WDR27: variants seen among roughly 807,000 people sequenced by gnomAD.
WDR27 encodes WD repeat-containing protein 27.
WDR27 carries 100 observed loss-of-function variants against 114.4 expected under a neutral mutation model. The ratio of observed to expected loss-of-function variants is 0.87; its 90% CI spans 0.74 to 1.03. WDR27 has a LOEUF of 1.03. Ranked by LOEUF, WDR27 falls within the 50% of genes least tolerant of loss-of-function variation. The pLI, the probability that WDR27 is intolerant of heterozygous loss-of-function variation, is 0.00. For synonymous variants in WDR27, 449 were observed against 423.1 expected (o/e 1.06, Z -0.75); for missense variants, 1,129 against 1,092.9 (o/e 1.03, Z -0.47).
intron 24 of WDR27, among the ~76,000 whole-genome samples, chr6:169,578,560 G>A (rs1802840102): frequency 6.6e-6 from 1 of 152,170 alleles, no homozygotes; most frequent in Non-Finnish European, 1.5e-5. Context: ...GAAGCTCCCA[G>A]GGGGGCGAAA....
chr6:169,550,151 C>A (rs1797912532), intron 25 of WDR27, among the ~76,000 whole-genome samples: 1 of 152,194 alleles, frequency 6.6e-6, no homozygotes, highest in African/African-American at 2.4e-5. Flanking sequence ...ACTTTCCTCA[C>A]AATTTTGCTG....
intron 23 of WDR27, among the ~76,000 whole-genome samples, chr6:169,597,335 G>GT (rs376259785): frequency 0.045 from 6,754 of 149,912 alleles, 416 homozygotes; most frequent in African/African-American, 0.14. Flanking sequence ...TTTCTATTAT[G>GT]TTTTTTTTTC....
chr6:169,550,331 T>C (rs573523648), intron 25 of WDR27, among the ~76,000 whole-genome samples: 15 of 152,234 alleles, frequency 9.9e-5, no homozygotes, highest in Middle Eastern at 3.2e-3. Context: ...GTACATGAAA[T>C]GGTAGTCTAG....
intron 1 of WDR27, among the ~76,000 whole-genome samples, chr6:169,698,215 C>T (rs1037669093): frequency 1.3e-5 from 2 of 152,116 alleles, no homozygotes; most frequent in African/African-American, 4.8e-5. Context: ...CTGCCCAACA[C>T]CTCTGTTCCT....
chr6:169,666,317 C>T, intron 6 of WDR27: 1 of 915,810 alleles, frequency 1.1e-6, no homozygotes, highest in Non-Finnish European at 1.3e-6. Flanking sequence ...ATACATTAAC[C>T]TCAGAAAGAA....
chr6:169,518,527 A>G (rs1365113325), intron 25 of WDR27, among the ~76,000 whole-genome samples: 1 of 152,234 alleles, frequency 6.6e-6, no homozygotes, highest in Non-Finnish European at 1.5e-5. Flanking sequence ...GGCTGGAGCT[A>G]GAATGGCCTA....
the WDR27 span, chr6:169,426,978 G>GGGGGC: frequency 6.9e-6 from 1 of 144,712 alleles, no homozygotes; most frequent in Non-Finnish European, 1.5e-5. Flanking sequence ...GGCAGTGGGG[G>GGGGGC]GGGGGTGGCG....
intron 21 of WDR27, among the ~76,000 whole-genome samples, chr6:169,632,059 A>C (rs1014115638): frequency 6.6e-6 from 1 of 151,898 alleles, no homozygotes; most frequent in Non-Finnish European, 1.5e-5. Flanking sequence ...GTGGTGGCTC[A>C]TGCCTGTAAT....
At chr6:169,665,353 T>A in intron 7 of WDR27, 133 bp downstream of exon 7, 1 of 1,433,380 alleles carries the variant, frequency 7.0e-7, no homozygotes, top group Non-Finnish European at 9.2e-7. Context: ...AAGGTCACGT[T>A]CTCAGCACTG....
At chr6:169,610,262 A>T (rs183582501) in intron 22 of WDR27, among the ~76,000 whole-genome samples, 56 of 152,142 alleles carry the variant, frequency 3.7e-4, no homozygotes, top group African/African-American at 1.3e-3. Context: ...ACCCCACTCT[A>T]CTGGTACCGA....
At chr6:169,478,825 A>G (rs1328242396) in intron 25 of WDR27, among the ~76,000 whole-genome samples, 1 of 152,246 alleles carries the variant, frequency 6.6e-6, no homozygotes, top group East Asian at 1.9e-4. Flanking sequence ...AGGACTCCCT[A>G]TTCAATAAAT....
chr6:169,462,487 A>G (rs752122632), intron 25 of WDR27, among the ~76,000 whole-genome samples: 1 of 151,936 alleles, frequency 6.6e-6, no homozygotes, highest in Non-Finnish European at 1.5e-5. Context: ...GGGGAGAGAG[A>G]GAGAGAAAGA....
chr6:169,686,949 G>A (rs1049476828), intron 2 of WDR27, among the ~76,000 whole-genome samples: 4 of 152,136 alleles, frequency 2.6e-5, no homozygotes, highest in Non-Finnish European at 5.9e-5. Flanking sequence ...TGGATCTTGT[G>A]GAAGTGGGGA....
intron 25 of WDR27, among the ~76,000 whole-genome samples, chr6:169,499,532 G>A (rs577666478): frequency 6.6e-6 from 1 of 152,356 alleles, no homozygotes; most frequent in East Asian, 1.9e-4. Flanking sequence ...TGATATTAGA[G>A]TGTGAAGTCA....
chr6:169,559,108 T>C (rs1799311574), intron 25 of WDR27: 1 of 152,250 alleles, frequency 6.6e-6, no homozygotes, highest in African/African-American at 2.4e-5. Context: ...CCACAAATCT[T>C]GAAGCCAATC....
At chr6:169,577,616 GC>G (rs1562617167) in intron 24 of WDR27, among the ~76,000 whole-genome samples, 1 of 152,206 alleles carries the variant, frequency 6.6e-6, no homozygotes, top group Non-Finnish European at 1.5e-5. Flanking sequence ...CCAAGAACCG[GC>G]CCTGCGTGGG....
chr6:169,520,475 A>G (rs1469227584), intron 25 of WDR27, among the ~76,000 whole-genome samples: 1 of 152,234 alleles, frequency 6.6e-6, no homozygotes, highest in East Asian at 1.9e-4. Flanking sequence ...TAATACTTCA[A>G]TACAAAGACA....
the WDR27 span, among the ~76,000 whole-genome samples, chr6:169,441,994 A>G: frequency 6.6e-6 from 1 of 152,256 alleles, no homozygotes; most frequent in Non-Finnish European, 1.5e-5. Context: ...ATCTATATAC[A>G]TAACTGGGAT....
intron 1 of WDR27, among the ~76,000 whole-genome samples, chr6:169,700,600 G>A (rs1203824864): frequency 6.6e-6 from 1 of 152,166 alleles, no homozygotes; most frequent in Non-Finnish European, 1.5e-5. Context: ...CCACAACATG[G>A]AAGAATTTTA....
Sources: allele counts gnomAD v4.1 joint callset (sites outside exome capture counted in the v4.1 genomes callset), GRCh38; gene constraint gnomAD v4.1.1; transcripts MANE v1.5; gene names NCBI Gene and HGNC (gene_info 2026-07-23, HGNC 2026-07-21).